The following NECAB2 variants were observed in gnomAD, a reference collection of about 807,000 sequenced individuals.
NECAB2 encodes N-terminal EF-hand calcium-binding protein 2.
A neutral mutation model predicts 51.9 loss-of-function variants in NECAB2; 68 were observed. The observed-to-expected ratio is 1.31, with a 90% CI of 1.08 to 1.60. NECAB2 has a LOEUF of 1.60. Among genes scored for constraint, NECAB2 ranks in the 40% most tolerant of loss-of-function variants. NECAB2 has a pLI of 0.00. For synonymous variants in NECAB2, 329 were observed against 203.5 expected, an observed-to-expected ratio of 1.62 and a Z score of -5.25; for missense variants, 854 against 490.3, an observed-to-expected ratio of 1.74 and a Z score of -7.00.
intron 3 of NECAB2, among the ~76,000 whole-genome samples, chr16:83,979,136 C>G (rs1344985383): frequency 6.6e-6 from 1 of 152,212 alleles, no homozygotes; most frequent in East Asian, 1.9e-4. Flanking sequence ...CAGACTTACC[C>G]TTGACCCTTC....
chr16:83,978,789 G>A (rs1462661707), intron 3 of NECAB2, among the ~76,000 whole-genome samples: 2 of 152,056 alleles, frequency 1.3e-5, no homozygotes, highest in African/African-American at 2.4e-5. Flanking sequence ...CAACTAAGGA[G>A]AGACTCCTGG....
intron 2 of NECAB2, among the ~76,000 whole-genome samples, chr16:83,978,115 T>G (rs905835387): frequency 1.3e-5 from 2 of 152,202 alleles, no homozygotes; most frequent in African/African-American, 4.8e-5. Flanking sequence ...GTTGAGTGCA[T>G]GGTGAGCCCA....
At chr16:83,965,236 G>A (rs1053684228), upstream of NECAB2, 3 of 1,612,520 alleles carry the variant, frequency 1.9e-6, no homozygotes, top group Admixed American at 3.3e-5. Context: ...CCCTCTTCCA[G>A]GTGAGCGGCT....
chr16:83,987,489 C>T (rs150794736), intron 5 of NECAB2, among the ~76,000 whole-genome samples: 145 of 152,218 alleles, frequency 9.5e-4, no homozygotes, highest in African/African-American at 3.3e-3. Flanking sequence ...AAAGAAAATT[C>T]AAATCGCTTC....
intron 8 of NECAB2, among the ~76,000 whole-genome samples, chr16:83,995,827 G>A (rs1012275855): frequency 5.9e-5 from 9 of 152,206 alleles, no homozygotes; most frequent in African/African-American, 2.2e-4. Context: ...CTGAGGTGGA[G>A]TTACCCCCTT....
intron 8 of NECAB2, among the ~76,000 whole-genome samples, chr16:83,996,870 C>T (rs1430216540): frequency 6.6e-6 from 1 of 152,130 alleles, no homozygotes; most frequent in African/African-American, 2.4e-5. Flanking sequence ...CAGTTCACCC[C>T]ATTAGATCCC....
At chr16:83,977,899 A>G (rs531691969) in intron 2 of NECAB2, among the ~76,000 whole-genome samples, 9 of 152,314 alleles carry the variant, frequency 5.9e-5, no homozygotes, top group African/African-American at 1.9e-4. Context: ...GAGCATGCAG[A>G]GACCACTTGG....
At position 83,985,313 on chromosome 16, in the gene NECAB2, C is replaced by CAAAAAAAAAAA. The variant is rs71148868; in HGVS notation, c.459+4209_459+4219dup. Among the ~76,000 whole-genome samples the CAAAAAAAAAAA allele has an allele frequency of 7.0e-4, 21 of 30,192 alleles. 1 individual carries two copies. The highest frequency in any genetic ancestry group is 1.3e-3 in the African/African-American group (18 of 13,900). 19.8% of individuals were successfully genotyped at this position (30,192 alleles called of 152,430 possible). A position where few individuals can be genotyped will look rare whatever the true frequency, so the allele number is the denominator to read the frequency against. ...GGACAACAAGAGCAAATCTCTGTCTCAAAAAAAAAAAAAAAAAAAAAAAAA... is the reference window on the plus strand; with the variant it reads ...GGACAACAAGAGCAAATCTCTGTCTCAAAAAAAAAAAAAAAAAAAAAAAAAAAAAAAAAAAA... On this transcript the variant is annotated intron_variant, in intron 5 of 12. Coordinates refer to ENST00000305202, the MANE Select transcript of NECAB2 (RefSeq NM_019065.3).
intron 8 of NECAB2, 82 bp downstream of exon 8, chr16:83,994,770 G>T (rs2084673787): frequency 6.7e-7 from 1 of 1,499,956 alleles, no homozygotes; most frequent in Non-Finnish European, 9.2e-7. Flanking sequence ...CAGGACAAAA[G>T]TCTGGGCTGC....
chr16:83,992,467 A>C (rs143248765), intron 6 of NECAB2, among the ~76,000 whole-genome samples: 57 of 150,950 alleles, frequency 3.8e-4, no homozygotes, highest in African/African-American at 1.3e-3. Context: ...CTTGACACAG[A>C]AGAAAAAGAG....
At chr16:83,994,835 C>G (rs555821649) in intron 8 of NECAB2, 147 bp downstream of exon 8, 4 of 930,180 alleles carry the variant, frequency 4.3e-6, no homozygotes, top group Non-Finnish European at 6.4e-6. Context: ...GTGGAGCTGC[C>G]GAGGACGAAG....
At chr16:83,973,554 C>T (rs753818866) in intron 2 of NECAB2, among the ~76,000 whole-genome samples, 1 of 152,274 alleles carries the variant, frequency 6.6e-6, no homozygotes, top group East Asian at 1.9e-4. Context: ...GGAAAAACAG[C>T]CGTAGCATCA....
intron 6 of NECAB2, among the ~76,000 whole-genome samples, chr16:83,991,433 C>A (rs1321453174): frequency 1.5e-5 from 2 of 129,924 alleles, no homozygotes; most frequent in Non-Finnish European, 3.1e-5. Flanking sequence ...GTGGCGAGAT[C>A]TCAGCTCACT....
intron 9 of NECAB2, among the ~76,000 whole-genome samples, chr16:83,997,707 C>G (rs1007004758): frequency 2.6e-5 from 4 of 151,662 alleles, no homozygotes; most frequent in African/African-American, 9.7e-5. Context: ...GTTGGTCAGG[C>G]TGGTCTCAAA....
chr16:83,989,231 A>T (rs890485392), intron 5 of NECAB2, among the ~76,000 whole-genome samples: 1 of 152,140 alleles, frequency 6.6e-6, no homozygotes, highest in African/African-American at 2.4e-5. Flanking sequence ...CCATTTATTC[A>T]GCTGCGGGAA....
chr16:83,994,251 G>C (rs1015715410), intron 6 of NECAB2, 51 bp from the exon 7 acceptor site: 8 of 1,544,776 alleles, frequency 5.2e-6, no homozygotes, highest in Non-Finnish European at 6.3e-6. Flanking sequence ...GAAGTGGTAA[G>C]GGCCCTGAAG....
chr16:83,993,018 C>A (rs987102866), intron 6 of NECAB2, among the ~76,000 whole-genome samples: 3 of 152,208 alleles, frequency 2.0e-5, no homozygotes, highest in African/African-American at 7.2e-5. Flanking sequence ...CCCACCTGCC[C>A]CCATGGTGGG....
Position 83,968,509 on chromosome 16 carries a change from C to T in NECAB2, c.-140C>T. ...GCCCGCCCCCCGGCGCCGGCCAGTCCCCGCGGTGTCCGCGGCCGCGGGGGC... is the reference window on the plus strand; with the variant it reads ...GCCCGCCCCCCGGCGCCGGCCAGTCTCCGCGGTGTCCGCGGCCGCGGGGGC... On this transcript the variant is annotated 5_prime_UTR_variant, in exon 1 of 13. Transcript: ENST00000305202. 2 of 669,024 alleles carry T rather than the reference C, an allele frequency of 3.0e-6. No individual in the cohort carries two copies. The highest frequency in any genetic ancestry group is 3.7e-6 in the Non-Finnish European group (2 of 544,450). 41.4% of individuals were successfully genotyped at this position (669,024 alleles called of 1,614,324 possible). A position where few individuals can be genotyped will look rare whatever the true frequency, so the allele number is the denominator to read the frequency against.
At chr16:83,973,345 G>C (rs2084369526) in intron 2 of NECAB2, among the ~76,000 whole-genome samples, 1 of 152,098 alleles carries the variant, frequency 6.6e-6, no homozygotes, top group African/African-American at 2.4e-5. Context: ...GGTGGAGTTG[G>C]AGGCCTTGGG....
Sources: gnomAD v4.1 joint callset for allele counts (sites outside exome capture counted in the v4.1 genomes callset) on GRCh38, gnomAD v4.1.1 for gene constraint, MANE v1.5 for transcripts, NCBI Gene and HGNC (gene_info 2026-07-23, HGNC 2026-07-21) for gene names.